The following ZNF782 variants were observed in gnomAD, a reference collection of about 807,000 sequenced individuals.
The protein encoded by ZNF782 is zinc finger protein 782.
A neutral mutation model predicts 13.0 loss-of-function variants in ZNF782; 12 were observed. That is an observed-to-expected ratio of 0.92 (90% CI 0.59 to 1.50). ZNF782 has a LOEUF of 1.50. ZNF782 is among the 40% of genes most tolerant of loss of function. ZNF782 has a pLI of 0.00. For synonymous variants in ZNF782, 284 were observed against 283.0 expected (o/e 1.00, Z -0.04); for missense variants, 770 against 822.9 (o/e 0.94, Z 0.79).
At chr9:96,870,477 C>T (rs1038158698) in intron 1 of ZNF782, among the ~76,000 whole-genome samples, 1 of 152,130 alleles carries the variant, frequency 6.6e-6, no homozygotes, top group South Asian at 2.1e-4. Context: ...GAAGAAACAC[C>T]TACAATTCAA....
At chr9:96,918,088 A>C in the ZNF782 span, among the ~76,000 whole-genome samples, 1 of 150,672 alleles carries the variant, frequency 6.6e-6, no homozygotes, top group African/African-American at 2.4e-5. Flanking sequence ...TTATGGGAGA[A>C]TATTTATGAT....
At chr9:96,840,232 G>T (rs1564005740) in intron 4 of ZNF782, among the ~76,000 whole-genome samples, 1 of 151,780 alleles carries the variant, frequency 6.6e-6, no homozygotes. Flanking sequence ...TGCTTTCTTT[G>T]TTCCAGGTGT....
rs1033492840 is a variant in ZNF782, at chr9:96,817,280, T to C, written c.*643A>G. 1 of 152,258 alleles carries C rather than the reference T, an allele frequency of 6.6e-6. No individual in the cohort carries two copies. The highest frequency in any genetic ancestry group is 2.4e-5 in the African/African-American group (1 of 41,426). The allele number at this position is 152,258 out of a possible 1,614,324, so 9.4% of individuals were successfully genotyped here. A position where few individuals can be genotyped will look rare whatever the true frequency, so the allele number is the denominator to read the frequency against. On this transcript the variant is annotated 3_prime_UTR_variant, in exon 6 of 6. Transcript: ENST00000481138. ...TTTAGATGAGAGAGTGGTTGAGAAATTTAGGCCAGGTGTGGCATGAGGGAG... is the reference window on the plus strand; with the variant it reads ...TTTAGATGAGAGAGTGGTTGAGAAACTTAGGCCAGGTGTGGCATGAGGGAG...
At chr9:96,821,503 A>G (rs1850415806) in intron 5 of ZNF782, among the ~76,000 whole-genome samples, 1 of 152,174 alleles carries the variant, frequency 6.6e-6, no homozygotes, top group Admixed American at 6.5e-5. Context: ...TGTCTATAGT[A>G]TTCATTTTAA....
intron 3 of ZNF782, 48 bp downstream of exon 3, chr9:96,851,899 T>A (rs1851498927): frequency 2.5e-6 from 4 of 1,582,202 alleles, no homozygotes; most frequent in African/African-American, 1.3e-5. Context: ...TATCTAAACC[T>A]CATAAAATCC....
the ZNF782 span, among the ~76,000 whole-genome samples, chr9:96,922,706 G>A: frequency 1.8e-4 from 27 of 151,404 alleles, no homozygotes; most frequent in Non-Finnish European, 1.6e-4. Flanking sequence ...CCCGGGAGGC[G>A]GAGTTTGCAG....
At chr9:96,907,578 A>G in the ZNF782 span, among the ~76,000 whole-genome samples, 1 of 152,272 alleles carries the variant, frequency 6.6e-6, no homozygotes, top group Admixed American at 6.5e-5. Flanking sequence ...CCATTGATCT[A>G]TATGTCTAAG....
At chr9:96,858,869 G>A (rs1022383529), upstream of ZNF782, among the ~76,000 whole-genome samples, 1 of 152,162 alleles carries the variant, frequency 6.6e-6, no homozygotes, top group African/African-American at 2.4e-5. The surrounding 1 kb of genome is among the most constrained non-coding windows in gnomAD (Gnocchi z 4.4). Flanking sequence ...GTCCGTGCTT[G>A]GCGGAGGGAG....
chr9:96,892,506 A>G, the ZNF782 span: 1 of 152,230 alleles, frequency 6.6e-6, no homozygotes, highest in Non-Finnish European at 1.5e-5. Context: ...ACCCTTCCTC[A>G]CGCCTTTGCT....
chr9:96,851,770 T>C (rs1226121253), intron 3 of ZNF782, among the ~76,000 whole-genome samples, 177 bp downstream of exon 3: 2 of 152,228 alleles, frequency 1.3e-5, no homozygotes, highest in African/African-American at 4.8e-5. Context: ...GGCAAACTGG[T>C]AACTGGAGGG....
chr9:96,849,981 T>C (rs965561072), intron 3 of ZNF782, among the ~76,000 whole-genome samples: 1 of 152,174 alleles, frequency 6.6e-6, no homozygotes, highest in African/African-American at 2.4e-5. Context: ...CCTGCAAGAA[T>C]GGCCCTTTTT....
chr9:96,831,436 G>A (rs1290819016), intron 4 of ZNF782, among the ~76,000 whole-genome samples: 3 of 152,024 alleles, frequency 2.0e-5, no homozygotes, highest in Admixed American at 6.6e-5. Context: ...TAGGCTGGGC[G>A]CCGTGGCTCA....
rs753199393 is a variant in ZNF782 at position 96,852,001 on chromosome 9, C to T, written c.-40G>A. The T allele has an allele frequency of 5.6e-6, 9 of 1,608,782 alleles. No individual in the cohort carries two copies. In the Admixed American group the frequency reaches 1.3e-4, roughly 24 times the overall value. On this transcript the variant is annotated 5_prime_UTR_variant, in exon 3 of 6. Transcript: ENST00000481138. ...GGGAGAGTATAGAGAACTGTAAAGC[C>T]TCAGCTGGGGGGACAGAAAGAGGAT...
Position 96,827,153 on chromosome 9 carries a change from G to C in ZNF782, c.171C>G (p.Ile57Met). 6.2e-7 allele frequency: 1 copy of C among 1,612,016 alleles called. No individual in the cohort carries two copies. The highest frequency in any genetic ancestry group is 8.5e-7 in the Non-Finnish European group (1 of 1,179,176). The change falls in exon 5 of 6, where the codon ATC becomes ATG. Residue 57 changes from isoleucine to methionine, a missense_variant. By Grantham distance (10) the Ile-to-Met change is conservative. Coordinates refer to ENST00000481138, the MANE Select transcript of ZNF782 (RefSeq NM_001001662.3). ...VGYCFTKPEL[I>M]FTLEQGEDPW... ...GATCTTCTCCTTGTTCCAATGTGAA[G>C]ATCAGTTCTGGTTTTGTAAAGCAGT...
chr9:96,930,891 T>C, the ZNF782 span, among the ~76,000 whole-genome samples: 1 of 81,024 alleles, frequency 1.2e-5, no homozygotes, highest in African/African-American at 7.7e-5. Flanking sequence ...TTTTTTTTTT[T>C]TTTTTTTTTT....
chr9:96,844,790 T>A, intron 4 of ZNF782, 100 bp downstream of exon 4: 1 of 1,547,128 alleles, frequency 6.5e-7, no homozygotes, highest in East Asian at 2.3e-5. Context: ...AAACCAGAAT[T>A]GCACTGTAGA....
intron 4 of ZNF782, among the ~76,000 whole-genome samples, chr9:96,840,993 A>G (rs1458896161): frequency 6.6e-6 from 1 of 151,990 alleles, no homozygotes; most frequent in African/African-American, 2.4e-5. Flanking sequence ...GTAACCTTGT[A>G]AAACCTGTAG....
chr9:96,910,805 T>G, the ZNF782 span, among the ~76,000 whole-genome samples: 11 of 149,014 alleles, frequency 7.4e-5, no homozygotes, highest in Non-Finnish European at 1.6e-4. Context: ...CCCGGCTGAT[T>G]TTTTGTATTT....
chr9:96,913,081 G>A, the ZNF782 span, among the ~76,000 whole-genome samples: 6 of 150,872 alleles, frequency 4.0e-5, no homozygotes, highest in Non-Finnish European at 5.9e-5. Flanking sequence ...TTGGGAGGCT[G>A]AGAAGGGAGG....
Sources: gnomAD v4.1 joint callset for allele counts (sites outside exome capture counted in the v4.1 genomes callset) on GRCh38, gnomAD v4.1.1 for gene constraint, Gnocchi (gnomAD v3.1) non-coding constraint, MANE v1.5 for transcripts, NCBI Gene and HGNC (gene_info 2026-07-23, HGNC 2026-07-21) for gene names.